Variants in DTX3L observed in about 807,000 individuals in gnomAD.
DTX3L encodes the protein deltex E3 ubiquitin ligase 3L, also known as E3 ubiquitin-protein ligase DTX3L.
DTX3L carries 34 observed loss-of-function variants against 60.9 expected under a neutral mutation model. The observed-to-expected ratio is 0.56, with a 90% CI of 0.42 to 0.74. DTX3L has a LOEUF of 0.74. DTX3L is among the 30% of genes least tolerant of loss of function. The probability of loss-of-function intolerance (pLI) is 0.00; values close to 1 mark genes in which losing one functional copy is unlikely to be tolerated. For missense variants in DTX3L, 810 were observed against 874.0 expected (o/e 0.93, Z 0.92); for synonymous variants, 290 against 316.6 (o/e 0.92, Z 0.89).
chr3:122,567,725 G>T (rs951382336), intron 2 of DTX3L, among the ~76,000 whole-genome samples: 1 of 152,142 alleles, frequency 6.6e-6, no homozygotes, highest in Non-Finnish European at 1.5e-5. Flanking sequence ...TCCCTTCCAA[G>T]TTCACAAACT....
At chr3:122,571,261 C>CT (rs398106399) in intron 4 of DTX3L, among the ~76,000 whole-genome samples, 1 of 152,032 alleles carries the variant, frequency 6.6e-6, no homozygotes, top group African/African-American at 2.4e-5. Context: ...CGATGCCCCC[C>CT]TAAAACACAG....
intron 2 of DTX3L, 50 bp from the exon 3 acceptor site, chr3:122,568,439 G>C (rs756116792): frequency 6.9e-7 from 1 of 1,448,400 alleles, no homozygotes; most frequent in African/African-American, 1.4e-5. Context: ...AAGATGGTAG[G>C]CCTGCATGCT....
Position 122,568,868 on chromosome 3 carries a change from G to T in DTX3L, c.779G>T (p.Arg260Ile), listed in dbSNP as rs762198657. 3 of 1,613,912 alleles carry T rather than the reference G, an allele frequency of 1.9e-6. No homozygotes were observed. The highest frequency in any genetic ancestry group is 2.2e-5 in the East Asian group (1 of 44,888). Residue 260 changes from arginine (R) to isoleucine (I), a missense_variant, in exon 3 of 5, where the codon AGA becomes ATA. By Grantham distance (97) the Arg-to-Ile change is moderately conservative (BLOSUM62 -3). Coordinates refer to ENST00000296161, the MANE Select transcript of DTX3L (RefSeq NM_138287.3). Reference protein sequence around the residue: ...CPDKINSIEKRFGVNIEIQES... With the variant: ...CPDKINSIEKIFGVNIEIQES... ...GATAAAATCAACTCAATAGAGAAAA[G>T]ATTTGGTGTAAACATTGAAATCCAG...
chr3:122,569,917 C>A lies in DTX3L; in HGVS notation c.1828C>A (p.Gln610Lys), dbSNP rs2080632939. Residue 610 changes from glutamine (Q) to lysine (K), a missense_variant, in exon 3 of 5, where the codon CAG becomes AAG. Physicochemically the swap from Gln to Lys is moderately conservative, Grantham distance 53 (BLOSUM62 1). Transcript: ENST00000296161. ...TTCCTATGGTATTCAGAAAGGAAATCAGCCAGAGGGAAGCATGGTTTTCAC... is the reference window on the plus strand; with the variant it reads ...TTCCTATGGTATTCAGAAAGGAAATAAGCCAGAGGGAAGCATGGTTTTCAC... ...QTSYGIQKGN[Q>K]PEGSMVFTVS... The A allele has an allele frequency of 6.2e-7, 1 of 1,614,116 alleles. No individual in the cohort carries two copies. The highest frequency in any genetic ancestry group is 8.5e-7 in the Non-Finnish European group (1 of 1,180,004).
rs776855757 is a variant in DTX3L at position 122,564,551 on chromosome 3, C to A, written c.125C>A (p.Thr42Lys). The A allele has an allele frequency of 6.2e-7, 1 of 1,610,138 alleles. No individual in the cohort carries two copies. Among genetic ancestry groups the A allele is most frequent in the Admixed American group, 1.7e-5 (1 of 59,722 alleles). The change falls in exon 1 of 5, where the codon ACG becomes AAG. Residue 42 changes from threonine (T) to lysine (K), a missense_variant. Thr to Lys is a moderately conservative substitution (Grantham distance 78, BLOSUM62 -1). Transcript: ENST00000296161. ...AAGTCCTCGGGCGGCGGGGAGTGCA[C>A]GGTCAGCACCCAGGAACACGAAGCC... is the stretch of plus-strand genomic sequence containing the variant. ...SSKSSGGGEC[T>K]VSTQEHEAPG... is the part of the protein sequence containing the mutation.
At chr3:122,566,808 A>C (rs1384873178) in intron 2 of DTX3L, among the ~76,000 whole-genome samples, 1 of 152,216 alleles carries the variant, frequency 6.6e-6, no homozygotes, top group Non-Finnish European at 1.5e-5. Context: ...CTGGGGAGGC[A>C]GCCAGGAACA....
rs756865815 is a variant in DTX3L, at chr3:122,568,575, C to G, written c.486C>G (p.Ile162Met). ...RAYITTLCPS[I>M]RKMEGHDGIE... Reference sequence around the variant, plus strand: ...ACATAACCACACTGTGCCCTAGTATCAGAAAAATGGAAGGTCACGATGGAA... The same window carrying G: ...ACATAACCACACTGTGCCCTAGTATGAGAAAAATGGAAGGTCACGATGGAA... The change falls in exon 3 of 5, where the codon ATC (isoleucine) becomes ATG (methionine). Residue 162 changes from isoleucine (I) to methionine (M), a missense_variant. Physicochemically the swap from Ile to Met is conservative, Grantham distance 10. Transcript: ENST00000296161. 2 of 1,614,128 alleles carry G rather than the reference C, an allele frequency of 1.2e-6. No homozygotes were observed. The highest frequency in any genetic ancestry group is 1.7e-6 in the Non-Finnish European group (2 of 1,180,020).
chr3:122,564,802 G>A (rs1356237519), intron 1 of DTX3L, among the ~76,000 whole-genome samples, 189 bp downstream of exon 1: 1 of 152,224 alleles, frequency 6.6e-6, no homozygotes, highest in African/African-American at 2.4e-5. Context: ...GGAGGATGGG[G>A]CCTCACATGT....
chr3:122,565,365 A>C (rs1208936387), intron 1 of DTX3L, among the ~76,000 whole-genome samples: 1 of 151,788 alleles, frequency 6.6e-6, no homozygotes, highest in African/African-American at 2.4e-5. Context: ...TACAAAAATT[A>C]CCCGGGCATG....
rs748859719 is a variant in DTX3L, at chr3:122,571,743, A to G, written c.2219A>G (p.Glu740Gly). ...GAGGAGCTGAAAGCCAAAGGAATTG[A>G]GTAAGACAACTGCTGGAAGATGTCT... is the stretch of plus-strand genomic sequence containing the variant. ...VKEELKAKGI[E>G] Residue 740 changes from glutamate (E) to glycine (G), a missense_variant, in exon 5 of 5, where the codon GAG (glutamate) becomes GGG (glycine). By Grantham distance (98) the Glu-to-Gly change is moderately conservative (BLOSUM62 -2). Coordinates refer to ENST00000296161, the MANE Select transcript of DTX3L (RefSeq NM_138287.3). 2 of 1,612,252 alleles carry G rather than the reference A, an allele frequency of 1.2e-6. No individual in the cohort carries two copies. The highest frequency in any genetic ancestry group is 2.2e-5 in the East Asian group (1 of 44,862).
chr3:122,569,718 G>A lies in DTX3L; in HGVS notation c.1629G>A (p.Lys543=). Residue 543 remains lysine (K), a synonymous_variant, in exon 3 of 5, where the codon AAG becomes AAA. Transcript: ENST00000296161. ...CCAAAGCAGCTTCTCCGCCACTCAAGGGCTCTGTGAGTTCTGAGGCCTCAG... is the reference window on the plus strand; with the variant it reads ...CCAAAGCAGCTTCTCCGCCACTCAAAGGCTCTGTGAGTTCTGAGGCCTCAG... ...DDSKAASPPL[K]GSVSSEASEL... is the part of the protein sequence containing the mutation. 6.2e-7 allele frequency: 1 copy of A among 1,614,164 alleles called. No individual in the cohort carries two copies. The highest frequency in any genetic ancestry group is 2.2e-5 in the East Asian group (1 of 44,880).
At chr3:122,571,324 TAAG>T (rs1225536097) in intron 4 of DTX3L, among the ~76,000 whole-genome samples, 1 of 152,318 alleles carries the variant, frequency 6.6e-6, no homozygotes, top group East Asian at 1.9e-4. Flanking sequence ...TGAAAAATTT[TAAG>T]AATTAACATA....
At position 122,575,156 on chromosome 3, in the gene DTX3L, T is replaced by C. The variant is rs2080673692; in HGVS notation, c.*3409T>C. On this transcript the variant is annotated 3_prime_UTR_variant, in exon 5 of 5. Coordinates refer to ENST00000296161, the MANE Select transcript of DTX3L (RefSeq NM_138287.3). Reference sequence around the variant, plus strand: ...GTTACTGCTTTTACTCTTTGGAAGCTGTTATCATCTGTATCTGCTTTAAAT... The same window carrying C: ...GTTACTGCTTTTACTCTTTGGAAGCCGTTATCATCTGTATCTGCTTTAAAT... The C allele has an allele frequency of 6.6e-6, 1 of 152,240 alleles. No individual in the cohort carries two copies. Among genetic ancestry groups the C allele is most frequent in the African/African-American group, 2.4e-5 (1 of 41,458 alleles). 9.4% of individuals were successfully genotyped at this position (152,240 alleles called of 1,614,324 possible). A position where few individuals can be genotyped will look rare whatever the true frequency, so the allele number is the denominator to read the frequency against.
intron 1 of DTX3L, among the ~76,000 whole-genome samples, chr3:122,564,834 C>G (rs1334175822): frequency 6.6e-6 from 1 of 152,218 alleles, no homozygotes; most frequent in Non-Finnish European, 1.5e-5. Context: ...GTCTGGCTGA[C>G]GGCGCCTTAG....
chr3:122,568,234 G>A (rs1406209375), intron 2 of DTX3L, among the ~76,000 whole-genome samples: 3 of 152,136 alleles, frequency 2.0e-5, no homozygotes, highest in Admixed American at 1.3e-4. Flanking sequence ...GCTTGAACCC[G>A]GGAGGCGGAG....
At position 122,571,858 on chromosome 3, in the gene DTX3L, C is replaced by A; in HGVS notation, c.*111C>A. 1 of 877,394 alleles carries A rather than the reference C, an allele frequency of 1.1e-6. No homozygotes were observed. Among genetic ancestry groups the A allele is most frequent in the Non-Finnish European group, 1.7e-6 (1 of 582,100 alleles). The allele number at this position is 877,394 out of a possible 1,614,324, so 54.4% of individuals were successfully genotyped here. On this transcript the variant is annotated 3_prime_UTR_variant, in exon 5 of 5. Transcript: ENST00000296161. ...TAGAAAGGACTTTGAAATTTTTCTT[C>A]TCAAGAAATGGTTTGTATAAGAATA...
chr3:122,569,665 A>G lies in DTX3L; in HGVS notation c.1576A>G (p.Thr526Ala). Residue 526 changes from threonine to alanine, a missense_variant, in exon 3 of 5, where the codon ACA (threonine) becomes GCA (alanine). Physicochemically the swap from Thr to Ala is moderately conservative, Grantham distance 58. Transcript: ENST00000296161. Reference protein sequence around the residue: ...AGKKLKEGHETPMDIDSDDSK... With the variant: ...AGKKLKEGHEAPMDIDSDDSK... ...AAAGAAATTGAAAGAGGGTCATGAA[A>G]CACCGATGGACATTGATAGCGATGA... 1 of 1,614,202 alleles carries G rather than the reference A, an allele frequency of 6.2e-7. No homozygotes were observed. Among genetic ancestry groups the G allele is most frequent in the Non-Finnish European group, 8.5e-7 (1 of 1,180,034 alleles).
At position 122,569,082 on chromosome 3, in the gene DTX3L, G is replaced by C. The variant is rs2107781687; in HGVS notation, c.993G>C (p.Lys331Asn). 1 of 1,614,098 alleles carries C rather than the reference G, an allele frequency of 6.2e-7. No homozygotes were observed. Among genetic ancestry groups the C allele is most frequent in the South Asian group, 1.1e-5 (1 of 91,084 alleles). ...AGGAATTGAATCACCAGTTTACAAA[G>C]CTCCTTATAAAGGAGAAAGGAGGCG... is the stretch of plus-strand genomic sequence containing the variant. ...FKQELNHQFT[K>N]LLIKEKGGEL... The change falls in exon 3 of 5, where the codon AAG becomes AAC. Residue 331 changes from lysine to asparagine, a missense_variant. Lys to Asn is a moderately conservative substitution (Grantham distance 94). Coordinates refer to ENST00000296161, the MANE Select transcript of DTX3L (RefSeq NM_138287.3).
At chr3:122,566,389 CAG>C (rs984782639) in intron 2 of DTX3L, among the ~76,000 whole-genome samples, 1 of 152,090 alleles carries the variant, frequency 6.6e-6, no homozygotes, top group Non-Finnish European at 1.5e-5. Flanking sequence ...CCCCCCAAGA[CAG>C]AGTCTCACTT....
Sources: allele counts gnomAD v4.1 joint callset (sites outside exome capture counted in the v4.1 genomes callset), GRCh38; gene constraint gnomAD v4.1.1; transcripts MANE v1.5; gene names NCBI Gene and HGNC (gene_info 2026-07-23, HGNC 2026-07-21).